The following MYLK3 variants were observed in gnomAD, a reference collection of about 807,000 sequenced individuals.
MYLK3 encodes myosin light chain kinase 3.
Under a neutral mutation model 76.3 loss-of-function variants are expected in MYLK3, and 55 were observed. The observed-to-expected ratio is 0.72, with a 90% CI of 0.58 to 0.90. The LOEUF (loss-of-function observed/expected upper bound fraction) is 0.90, where lower values mean the gene tolerates loss of function less well. MYLK3 is among the 40% of genes least tolerant of loss of function. The pLI is 0.00. For missense variants in MYLK3, 973 were observed against 1,053.6 expected, an observed-to-expected ratio of 0.92 and a Z score of 1.06; for synonymous variants, 416 against 425.4, an observed-to-expected ratio of 0.98 and a Z score of 0.27.
chr16:46,730,240 C>T (rs1966849825), intron 5 of MYLK3, among the ~76,000 whole-genome samples: 1 of 152,094 alleles, frequency 6.6e-6, no homozygotes, highest in African/African-American at 2.4e-5. Flanking sequence ...CATCCCCTCA[C>T]CCCACACCAC....
rs1458643850 is a variant in MYLK3, at chr16:46,702,623, T to C, written c.*5081A>G. 6.6e-6 allele frequency among the ~76,000 whole-genome samples: 1 copy of C among 152,206 alleles called. No individual in the cohort carries two copies. The highest frequency in any genetic ancestry group is 1.5e-5 in the Non-Finnish European group (1 of 68,042). ...ACATTGAGTTGTGAATTTTTAATTA[T>C]AAATGTAATACATGCGGGCCAGGCG... is the stretch of plus-strand genomic sequence containing the variant. On this transcript the variant is annotated 3_prime_UTR_variant, in exon 13 of 13. Transcript: ENST00000394809.
At position 46,705,641 on chromosome 16, in the gene MYLK3, C is replaced by T. The variant is rs1966616669; in HGVS notation, c.*2063G>A. On this transcript the variant is annotated 3_prime_UTR_variant, in exon 13 of 13. Transcript: ENST00000394809. ...GTATATTTTTTCATAATAAAGTACTCCTTTAACCATTTTACAAGTTGGTAA... is the reference window on the plus strand; with the variant it reads ...GTATATTTTTTCATAATAAAGTACTTCTTTAACCATTTTACAAGTTGGTAA... 6.6e-6 allele frequency: 1 copy of T among 152,138 alleles called. No homozygotes were observed. Among genetic ancestry groups the T allele is most frequent in the African/African-American group, 2.4e-5 (1 of 41,436 alleles). The allele number at this position is 152,138 out of a possible 1,614,324, so 9.4% of individuals were successfully genotyped here.
chr16:46,710,693 T>G lies in MYLK3; in HGVS notation c.2211A>C (p.Glu737Asp). 6.2e-7 allele frequency: 1 copy of G among 1,614,180 alleles called. No homozygotes were observed. The highest frequency in any genetic ancestry group is 8.5e-7 in the Non-Finnish European group (1 of 1,180,032). Reference sequence around the variant, plus strand: ...AGTCCTTGGCCTCCTCCGAGAGCCCTTCAAAGGTGTCAGCATCAAAATCCC... The same window carrying G: ...AGTCCTTGGCCTCCTCCGAGAGCCCGTCAAAGGTGTCAGCATCAAAATCCC... ...CSWDFDADTF[E>D]GLSEEAKDFV... The change falls in exon 11 of 13, where the codon GAA (glutamate) becomes GAC (aspartate). Residue 737 changes from glutamate to aspartate, a missense_variant. By Grantham distance (45) the Glu-to-Asp change is conservative (BLOSUM62 2). Around this residue, in one of 2 missense-constraint regions of MYLK3, gnomAD observed 332 missense variants for 416.6 expected, o/e 0.80. Transcript: ENST00000394809.
chr16:46,740,551 A>ATATATTT (rs1330740991), intron 1 of MYLK3, among the ~76,000 whole-genome samples: 1 of 128,390 alleles, frequency 7.8e-6, no homozygotes, highest in Non-Finnish European at 1.6e-5. Context: ...ATATATATAT[A>ATATATTT]TTTTTTTTTT....
chr16:46,756,601 C>A (rs758860836), intron 1 of MYLK3, among the ~76,000 whole-genome samples: 8 of 152,054 alleles, frequency 5.3e-5, no homozygotes, highest in Non-Finnish European at 1.5e-5. Flanking sequence ...CAGCGTGTAG[C>A]AGTGAAAGGT....
intron 3 of MYLK3, 90 bp from the exon 4 acceptor site, chr16:46,732,758 A>C: frequency 1.9e-6 from 2 of 1,063,228 alleles, no homozygotes; most frequent in Non-Finnish European, 2.6e-6. Flanking sequence ...TGCTGCCATC[A>C]TTGACAATGG....
chr16:46,707,811 A>C, intron 12 of MYLK3, 48 bp from the exon 13 acceptor site: 1 of 1,400,110 alleles, frequency 7.1e-7, no homozygotes, highest in Non-Finnish European at 1.0e-6. Context: ...TGTATTTTAG[A>C]CCAGTTGCCT....
At chr16:46,753,635 G>A (rs1215862036) in intron 1 of MYLK3, among the ~76,000 whole-genome samples, 1 of 152,232 alleles carries the variant, frequency 6.6e-6, no homozygotes, top group Non-Finnish European at 1.5e-5. Context: ...ATTTTGCGGG[G>A]TGAGGTGGCT....
rs1966855278 is a variant in MYLK3, at chr16:46,732,730, GT to G, written c.1002-63del. 1.7e-5 allele frequency: 23 copies of G among 1,333,768 alleles called. No individual in the cohort carries two copies. In the Admixed American group the frequency reaches 6.6e-4, roughly 38 times the overall value. 82.6% of individuals were successfully genotyped at this position (1,333,768 alleles called of 1,614,324 possible). On this transcript the variant is annotated intron_variant, in intron 3 of 12. Transcript: ENST00000394809. Reference sequence around the variant, plus strand: ...CAAGGACTCTGGAGTCAGAACAGACGTGGGTTCCAATGCCCACTGCTGCCAT... The same window carrying G: ...CAAGGACTCTGGAGTCAGAACAGACGGGGTTCCAATGCCCACTGCTGCCAT...
chr16:46,723,438 A>T (rs1966818754), intron 8 of MYLK3, among the ~76,000 whole-genome samples: 1 of 152,226 alleles, frequency 6.6e-6, no homozygotes, highest in South Asian at 2.1e-4. Context: ...TATTATAAGT[A>T]ATGCTGCTAA....
intron 9 of MYLK3, among the ~76,000 whole-genome samples, chr16:46,717,565 C>T (rs567825358): frequency 9.9e-5 from 15 of 152,212 alleles, no homozygotes; most frequent in African/African-American, 3.6e-4. Flanking sequence ...GGCATGCACC[C>T]TGTTCTCAGC....
chr16:46,710,625 A>G lies in MYLK3; in HGVS notation c.2267+12T>C, dbSNP rs1422357291. On this transcript the variant is annotated intron_variant, in intron 11 of 12. Transcript: ENST00000394809. ...TCAGAAGGGCCCATGAGTGACAAGC[A>G]ATGAAAGGTACCTCTTCTCTTTGAC... 4 of 1,613,912 alleles carry G rather than the reference A, an allele frequency of 2.5e-6. No individual in the cohort carries two copies. The highest frequency in any genetic ancestry group is 3.4e-6 in the Non-Finnish European group (4 of 1,180,030).
chr16:46,719,516 A>G, intron 9 of MYLK3, among the ~76,000 whole-genome samples: 1 of 152,034 alleles, frequency 6.6e-6, no homozygotes, highest in East Asian at 1.9e-4. Flanking sequence ...AAGAACCCAC[A>G]CCACTGGGCA....
At chr16:46,755,717 T>G (rs1967189119) in intron 1 of MYLK3, among the ~76,000 whole-genome samples, 1 of 152,030 alleles carries the variant, frequency 6.6e-6, no homozygotes, top group African/African-American at 2.4e-5. Flanking sequence ...ACTTCCTTGT[T>G]TGTAACAGGA....
At chr16:46,747,294 G>C (rs536486634) in intron 1 of MYLK3, among the ~76,000 whole-genome samples, 1 of 152,316 alleles carries the variant, frequency 6.6e-6, no homozygotes, top group Non-Finnish European at 1.5e-5. Flanking sequence ...GCTCAAGGTT[G>C]GGGACAGGAG....
intron 9 of MYLK3, among the ~76,000 whole-genome samples, chr16:46,714,113 T>C (rs912273593): frequency 6.6e-6 from 1 of 152,136 alleles, no homozygotes; most frequent in African/African-American, 2.4e-5. Context: ...GGGCAAACAG[T>C]GTGTTTTAGA....
rs1418347564 is a variant in MYLK3 at position 46,729,122 on chromosome 16, C to G, written c.1674G>C (p.Lys558Asn). The G allele has an allele frequency of 2.5e-6, 4 of 1,613,824 alleles. No individual in the cohort carries two copies. The African/African-American group carries it at 5.3e-5, about 22-fold the overall frequency. ...VKSAKDREDV[K>N]NEINIMNQLS... ...GCTGGTTCATGATGTTGATCTCGTTCTTCACGTCCTCCTTGGGGGAACCAG... is the reference window on the plus strand; with the variant it reads ...GCTGGTTCATGATGTTGATCTCGTTGTTCACGTCCTCCTTGGGGGAACCAG... The change falls in exon 7 of 13, where the codon AAG (lysine) becomes AAC (asparagine). Residue 558 changes from lysine to asparagine, a missense_variant. Around this residue, in one of 2 missense-constraint regions of MYLK3, gnomAD observed 332 missense variants for 416.6 expected, o/e 0.80. Transcript: ENST00000394809.
chr16:46,711,985 C>T (rs1031840832), intron 10 of MYLK3, among the ~76,000 whole-genome samples: 6 of 120,204 alleles, frequency 5.0e-5, no homozygotes, highest in Non-Finnish European at 9.8e-5. Flanking sequence ...TGGCTCAAGC[C>T]ATAATTTTTT....
intron 5 of MYLK3, 21 bp from the exon 6 acceptor site, chr16:46,729,708 G>A (rs376737122): frequency 2.6e-5 from 41 of 1,607,404 alleles, no homozygotes; most frequent in African/African-American, 2.3e-4. Context: ...ATAGCCACAC[G>A]GCAGGCTGAG....
Sources: allele counts gnomAD v4.1 joint callset (sites outside exome capture counted in the v4.1 genomes callset), GRCh38; gene constraint gnomAD v4.1.1; regional missense constraint gnomAD v4.1.1; transcripts MANE v1.5; gene names NCBI Gene and HGNC (gene_info 2026-07-23, HGNC 2026-07-21).